HPSE2: variants seen among roughly 807,000 people sequenced by gnomAD.
HPSE2 encodes the protein heparanase 2 (inactive).
Under a neutral mutation model 60.5 loss-of-function variants are expected in HPSE2, and 38 were observed. That is an observed-to-expected ratio of 0.63 (90% CI 0.48 to 0.82). The LOEUF (loss-of-function observed/expected upper bound fraction) is 0.82, where lower values mean the gene tolerates loss of function less well. HPSE2 is among the 40% of genes least tolerant of loss of function. The pLI, the probability that HPSE2 is intolerant of heterozygous loss-of-function variation, is 0.00. For synonymous variants in HPSE2, 295 were observed against 293.2 expected, an observed-to-expected ratio of 1.01 and a Z score of -0.06; for missense variants, 713 against 740.4, an observed-to-expected ratio of 0.96 and a Z score of 0.43.
At chr10:99,293,121 C>A in the HPSE2 span, among the ~76,000 whole-genome samples, 1 of 152,086 alleles carries the variant, frequency 6.6e-6, no homozygotes, top group Non-Finnish European at 1.5e-5. Flanking sequence ...GCTACCCATA[C>A]CCCACATACC....
At chr10:98,822,997 G>GATAC (rs1951459213) in intron 3 of HPSE2, among the ~76,000 whole-genome samples, 1 of 152,182 alleles carries the variant, frequency 6.6e-6, no homozygotes, top group South Asian at 2.1e-4. Context: ...TTGTAAAAGA[G>GATAC]ATACAGGTGG....
chr10:99,170,719 A>T (rs1847274714), intron 2 of HPSE2, among the ~76,000 whole-genome samples: 1 of 152,234 alleles, frequency 6.6e-6, no homozygotes, highest in Non-Finnish European at 1.5e-5. Flanking sequence ...AATTTCTGTG[A>T]TTCCAACCAC....
intron 3 of HPSE2, among the ~76,000 whole-genome samples, chr10:98,801,974 C>G (rs2484937): frequency 0.12 from 17,618 of 152,020 alleles, 2,592 homozygotes; most frequent in African/African-American, 0.34. Context: ...AATATAGCAC[C>G]GTACTGGCTT....
intron 2 of HPSE2, among the ~76,000 whole-genome samples, chr10:99,208,672 G>C (rs1478776856): frequency 7.0e-6 from 1 of 143,570 alleles, no homozygotes; most frequent in Non-Finnish European, 1.5e-5. Flanking sequence ...GTGACAGAGT[G>C]AGATCCAGTC....
intron 3 of HPSE2, among the ~76,000 whole-genome samples, chr10:98,998,114 G>C (rs933293818): frequency 1.3e-5 from 2 of 152,094 alleles, no homozygotes; most frequent in African/African-American, 4.8e-5. Flanking sequence ...TACAAGTTTA[G>C]CTGTGCTGAA....
intron 3 of HPSE2, among the ~76,000 whole-genome samples, chr10:98,954,780 C>T (rs1043107112): frequency 3.3e-5 from 5 of 151,816 alleles, no homozygotes; most frequent in Non-Finnish European, 5.9e-5. Flanking sequence ...ATATAAACTC[C>T]GCATTTTCCA....
chr10:99,294,705 C>T, the HPSE2 span, among the ~76,000 whole-genome samples: 13 of 151,690 alleles, frequency 8.6e-5, no homozygotes, highest in African/African-American at 2.2e-4. Context: ...AGGCCGAGGC[C>T]GGTAGATCAT....
intron 2 of HPSE2, among the ~76,000 whole-genome samples, chr10:99,177,733 G>C (rs187469914): frequency 6.6e-6 from 1 of 152,164 alleles, no homozygotes; most frequent in East Asian, 1.9e-4. Context: ...AATTAACAAG[G>C]ATATTCAGGA....
At chr10:98,479,498 C>T (rs975851284) in intron 11 of HPSE2, among the ~76,000 whole-genome samples, 6 of 152,226 alleles carry the variant, frequency 3.9e-5, no homozygotes, top group African/African-American at 4.8e-5. Context: ...AGACCCCCAT[C>T]GCAGACCACT....
chr10:99,029,988 G>A (rs531546834), intron 3 of HPSE2, among the ~76,000 whole-genome samples: 24 of 152,300 alleles, frequency 1.6e-4, no homozygotes, highest in East Asian at 3.9e-4. Context: ...TGGTGTCACC[G>A]CTAGACCAAG....
At chr10:99,025,047 G>A (rs759880141) in intron 3 of HPSE2, among the ~76,000 whole-genome samples, 5 of 152,126 alleles carry the variant, frequency 3.3e-5, no homozygotes, top group Non-Finnish European at 5.9e-5. Flanking sequence ...ACTGTAGTGT[G>A]TAAACTCCTC....
the HPSE2 span, among the ~76,000 whole-genome samples, chr10:99,278,682 A>G: frequency 1.3e-5 from 2 of 152,348 alleles, no homozygotes; most frequent in East Asian, 3.9e-4. Flanking sequence ...ACAGAAATCA[A>G]TAAATCTGGA....
intron 3 of HPSE2, among the ~76,000 whole-genome samples, chr10:98,997,411 C>A (rs1474950397): frequency 6.6e-6 from 1 of 152,148 alleles, no homozygotes; most frequent in Non-Finnish European, 1.5e-5. Flanking sequence ...CCACTGTGCC[C>A]AGCCAAAACA....
At chr10:98,675,947 G>A (rs1025278085) in intron 6 of HPSE2, among the ~76,000 whole-genome samples, 2 of 152,018 alleles carry the variant, frequency 1.3e-5, no homozygotes, top group Non-Finnish European at 1.5e-5. Context: ...AGAGGCTGAG[G>A]GGGGAGGTTT....
At chr10:99,216,092 T>C (rs1849111648) in intron 2 of HPSE2, among the ~76,000 whole-genome samples, 1 of 151,882 alleles carries the variant, frequency 6.6e-6, no homozygotes, top group South Asian at 2.1e-4. Flanking sequence ...ATGTAATTGA[T>C]GAGAATAACC....
chr10:98,656,082 G>GT (rs34294462), intron 6 of HPSE2, among the ~76,000 whole-genome samples: 22,131 of 140,808 alleles, frequency 0.16, 1,907 homozygotes, highest in Admixed American at 0.23. Flanking sequence ...TCCTATTTGA[G>GT]TTTTTTTTTT....
chr10:99,282,426 T>G, the HPSE2 span, among the ~76,000 whole-genome samples: 2 of 152,104 alleles, frequency 1.3e-5, no homozygotes, highest in Admixed American at 6.6e-5. Flanking sequence ...ATAATCATAG[T>G]TAAAGATTTC....
At chr10:99,226,595 T>A (rs1487363250) in intron 2 of HPSE2, among the ~76,000 whole-genome samples, 1 of 152,014 alleles carries the variant, frequency 6.6e-6, no homozygotes, top group African/African-American at 2.4e-5. Context: ...GATGTTAACC[T>A]TAGTCATTGA....
At chr10:98,638,136 T>TCA (rs1946545674) in intron 7 of HPSE2, among the ~76,000 whole-genome samples, 1 of 20,838 alleles carries the variant, frequency 4.8e-5, no homozygotes, top group Non-Finnish European at 7.8e-5. Context: ...GAGACCCATC[T>TCA]CAAAAAAAAA....
Sources: gnomAD v4.1 joint callset for allele counts (sites outside exome capture counted in the v4.1 genomes callset) on GRCh38, gnomAD v4.1.1 for gene constraint, MANE v1.5 for transcripts, NCBI Gene and HGNC (gene_info 2026-07-23, HGNC 2026-07-21) for gene names.